The following COBL variants were observed in gnomAD, a reference collection of about 807,000 sequenced individuals.
COBL encodes cordon-bleu WH2 repeat protein.
Under a neutral mutation model 98.8 loss-of-function variants are expected in COBL, and 51 were observed. That is an observed-to-expected ratio of 0.52 (90% confidence interval 0.41 to 0.65). COBL has a LOEUF of 0.65. Among genes scored for constraint, COBL ranks in the 30% least tolerant of loss-of-function variants. The probability of loss-of-function intolerance (pLI) is 0.00; values close to 1 mark genes in which losing one functional copy is unlikely to be tolerated. For synonymous variants in COBL, 634 were observed against 651.7 expected (o/e 0.97, Z 0.41); for missense variants, 1,617 against 1,617.5 (o/e 1.00, Z 0.01).
intron 1 of COBL, among the ~76,000 whole-genome samples, chr7:51,297,010 C>T (rs1023505896): frequency 3.3e-5 from 5 of 152,142 alleles, no homozygotes; most frequent in African/African-American, 4.8e-5. Context: ...CAAGGCTGGA[C>T]GTCTGAATCA....
intron 5 of COBL, among the ~76,000 whole-genome samples, chr7:51,174,843 C>T (rs1390283821): frequency 1.3e-5 from 2 of 152,204 alleles, no homozygotes; most frequent in Non-Finnish European, 2.9e-5. Context: ...TGAGGCTCAC[C>T]TTTTGCCCAA....
chr7:51,257,346 C>A (rs772031706), intron 1 of COBL, among the ~76,000 whole-genome samples: 1 of 152,128 alleles, frequency 6.6e-6, no homozygotes, highest in African/African-American at 2.4e-5. Flanking sequence ...AATACAGAGA[C>A]CAAACAATGC....
chr7:51,297,185 C>A (rs1338719783), intron 1 of COBL, among the ~76,000 whole-genome samples: 1 of 152,024 alleles, frequency 6.6e-6, no homozygotes, highest in Non-Finnish European at 1.5e-5. Context: ...CTCATTTTTA[C>A]GTAGGTAGAC....
chr7:51,292,557 T>C (rs1801006117), intron 1 of COBL, among the ~76,000 whole-genome samples: 2 of 152,248 alleles, frequency 1.3e-5, no homozygotes, highest in African/African-American at 4.8e-5. Flanking sequence ...TTCTATTTGC[T>C]GACGCAAAAG....
chr7:51,300,541 G>C (rs113298422), intron 1 of COBL, among the ~76,000 whole-genome samples: 2 of 152,186 alleles, frequency 1.3e-5, no homozygotes, highest in East Asian at 3.9e-4. Flanking sequence ...GTCACGTGGT[G>C]TGTTAGAAGG....
At chr7:51,039,417 G>A (rs2269868) in intron 8 of COBL, among the ~76,000 whole-genome samples, 47,862 of 152,084 alleles carry the variant, frequency 0.31, 8,362 homozygotes, top group East Asian at 0.45. Context: ...CACCTGACAG[G>A]CCTGCTCCAT....
intron 12 of COBL, among the ~76,000 whole-genome samples, chr7:51,024,258 G>A (rs1328772605): frequency 1.3e-5 from 2 of 152,028 alleles, no homozygotes; most frequent in East Asian, 1.9e-4. Context: ...GCAGTGAGCC[G>A]AGATCGCGTC....
In COBL at chr7:51,154,044, A is replaced by T. The variant is rs527677983; in HGVS notation, c.784-17713T>A. Among the ~76,000 whole-genome samples, 13 of 152,296 alleles carry T rather than the reference A, an allele frequency of 8.5e-5. No homozygotes were observed. The South Asian group carries it at 2.7e-3, about 32-fold the overall frequency. On this transcript the variant is annotated intron_variant, in intron 5 of 12. Transcript: ENST00000265136. ...TCGTGGAGGCCCGTGTCGCTGAAAG[A>T]TGAGTGCCTCCAACCTTGGCAGATG...
intron 5 of COBL, among the ~76,000 whole-genome samples, chr7:51,179,649 A>G (rs918247746): frequency 7.2e-5 from 11 of 152,190 alleles, no homozygotes; most frequent in Admixed American, 2.0e-4. Flanking sequence ...CTCTTTTCCT[A>G]AAAGTTCTTT....
intron 1 of COBL, among the ~76,000 whole-genome samples, chr7:51,294,675 TA>T (rs1261352831): frequency 2.6e-5 from 4 of 151,578 alleles, no homozygotes; most frequent in African/African-American, 9.7e-5. Flanking sequence ...ATTTTGGTCT[TA>T]ATTCTAAGTA....
At chr7:51,099,209 A>G (rs4948188) in intron 6 of COBL, among the ~76,000 whole-genome samples, 2 of 152,154 alleles carry the variant, frequency 1.3e-5, no homozygotes, top group Admixed American at 6.5e-5. Context: ...AGTATAAAGT[A>G]CCTCAAAAAA....
intron 5 of COBL, among the ~76,000 whole-genome samples, chr7:51,162,119 G>A (rs896457035): frequency 2.0e-5 from 3 of 152,094 alleles, no homozygotes; most frequent in Admixed American, 1.3e-4. Context: ...TGACCTCCCC[G>A]TGTCTTGGAG....
In COBL at chr7:51,136,318, G is replaced by T. The variant is rs1412779489; in HGVS notation, c.797C>A (p.Thr266Asn). ...TGAGTGCATGGATGGGGAGTTGGGG[G>T]TCGTTAAACAGCCCTGTTGGGGAAG... is the stretch of plus-strand genomic sequence containing the variant. ...KRSNSKGCLT[T>N]PNSPSMHSRS... Residue 266 changes from threonine (T) to asparagine (N), a missense_variant, in exon 6 of 13, where the codon ACC becomes AAC. Physicochemically the swap from Thr to Asn is moderately conservative, Grantham distance 65. Transcript: ENST00000265136. 1 of 1,613,016 alleles carries T rather than the reference G, an allele frequency of 6.2e-7. No individual in the cohort carries two copies. Among genetic ancestry groups the T allele is most frequent in the South Asian group, 1.1e-5 (1 of 90,840 alleles).
rs1562835059 is a variant in COBL, at chr7:51,043,471, T to C, written c.1318A>G (p.Ser440Gly). Residue 440 changes from serine to glycine, a missense_variant, in exon 8 of 13, where the codon AGT becomes GGT. Physicochemically the swap from Ser to Gly is moderately conservative, Grantham distance 56. Coordinates refer to ENST00000265136, the MANE Select transcript of COBL (RefSeq NM_015198.5). Reference protein sequence around the residue: ...DKWATDQEDCSDQDLAGTPDL... With the variant: ...DKWATDQEDCGDQDLAGTPDL... The stretch of plus-strand genomic sequence containing the variant: ...GGGGTTCCAGCGAGGTCCTGGTCAC[T>C]GCAGTCTTCCTGGTCTGTGGCCCAC... The C allele has an allele frequency of 6.2e-7, 1 of 1,614,080 alleles. No homozygotes were observed. Among genetic ancestry groups the C allele is most frequent in the Non-Finnish European group, 8.5e-7 (1 of 1,180,040 alleles).
chr7:51,075,341 TA>T (rs1247547378), intron 7 of COBL, among the ~76,000 whole-genome samples: 1 of 152,226 alleles, frequency 6.6e-6, no homozygotes, highest in East Asian at 1.9e-4. Context: ...GATTTCCTGC[TA>T]TTGACATCAG....
chr7:51,303,779 T>A (rs1802215419), intron 1 of COBL, among the ~76,000 whole-genome samples: 1 of 152,196 alleles, frequency 6.6e-6, no homozygotes, highest in Non-Finnish European at 1.5e-5. Flanking sequence ...CCTTTCCTTA[T>A]ACTTTTCCCA....
At chr7:51,062,599 G>A (rs6969925) in intron 7 of COBL, among the ~76,000 whole-genome samples, 1 of 152,236 alleles carries the variant, frequency 6.6e-6, no homozygotes, top group Non-Finnish European at 1.5e-5. Context: ...AGCATTCCCA[G>A]ACAACATCAT....
chr7:51,139,836 G>C (rs898383096), intron 5 of COBL, among the ~76,000 whole-genome samples: 12 of 152,140 alleles, frequency 7.9e-5, no homozygotes, highest in Admixed American at 7.9e-4. Flanking sequence ...AAAACCAAGA[G>C]CTTAATGCAT....
chr7:51,183,237 C>T (rs915288221), intron 5 of COBL, among the ~76,000 whole-genome samples: 3 of 152,192 alleles, frequency 2.0e-5, no homozygotes, highest in African/African-American at 7.2e-5. Flanking sequence ...GTCTTCACAT[C>T]TCTTGTAGAA....
Sources: allele counts gnomAD v4.1 joint callset (sites outside exome capture counted in the v4.1 genomes callset), GRCh38; gene constraint gnomAD v4.1.1; transcripts MANE v1.5; gene names NCBI Gene and HGNC (gene_info 2026-07-23, HGNC 2026-07-21).